Variants in MACROD2 observed in about 807,000 individuals in gnomAD.
MACROD2 encodes the protein mono-ADP ribosylhydrolase 2, also known as ADP-ribose glycohydrolase MACROD2.
MACROD2 carries 36 observed loss-of-function variants against 70.4 expected under a neutral mutation model. The observed-to-expected ratio is 0.51, with a 90% CI of 0.39 to 0.68. The LOEUF (loss-of-function observed/expected upper bound fraction) is 0.68, where lower values mean the gene tolerates loss of function less well. Ranked by LOEUF, MACROD2 falls within the 30% of genes least tolerant of loss-of-function variation. The pLI is 0.00. For missense variants in MACROD2, 496 were observed against 538.4 expected (o/e 0.92, Z 0.78); for synonymous variants, 172 against 178.8 (o/e 0.96, Z 0.30).
intron 8 of MACROD2, among the ~76,000 whole-genome samples, chr20:15,721,596 T>C (rs891755926): frequency 6.6e-6 from 1 of 152,200 alleles, no homozygotes; most frequent in Non-Finnish European, 1.5e-5. Flanking sequence ...TTTAGAATTT[T>C]TTCCTAAGTT....
chr20:15,644,276 C>T (rs1283626248), intron 8 of MACROD2, among the ~76,000 whole-genome samples: 1 of 152,136 alleles, frequency 6.6e-6, no homozygotes, highest in Non-Finnish European at 1.5e-5. Flanking sequence ...GCATCTAAAC[C>T]TCCCCCACTT....
chr20:14,904,060 T>A (rs1243886971), intron 5 of MACROD2, among the ~76,000 whole-genome samples: 1 of 152,164 alleles, frequency 6.6e-6, no homozygotes, highest in Non-Finnish European at 1.5e-5. Context: ...CTGGTACACA[T>A]AATCACTGGA....
At chr20:14,118,291 TA>T (rs1382813041) in intron 3 of MACROD2, among the ~76,000 whole-genome samples, 1 of 152,208 alleles carries the variant, frequency 6.6e-6, no homozygotes, top group Admixed American at 6.5e-5. Context: ...CTTCAAAGTT[TA>T]GAAGGCATTA....
At chr20:15,107,381 A>ATT (rs2075919308) in intron 5 of MACROD2, among the ~76,000 whole-genome samples, 6 of 152,046 alleles carry the variant, frequency 3.9e-5, no homozygotes, top group Non-Finnish European at 7.4e-5. Flanking sequence ...AAAAACTACC[A>ATT]TTTGTTGTCA....
At chr20:14,312,101 T>G (rs1044515805) in intron 3 of MACROD2, among the ~76,000 whole-genome samples, 4 of 152,136 alleles carry the variant, frequency 2.6e-5, no homozygotes, top group Non-Finnish European at 5.9e-5. Flanking sequence ...TAGATATTCT[T>G]CTCCGGTTCT....
chr20:14,333,211 T>C (rs2082875589), intron 3 of MACROD2, among the ~76,000 whole-genome samples: 1 of 152,186 alleles, frequency 6.6e-6, no homozygotes, highest in African/African-American at 2.4e-5. Context: ...ACAAGGTCCT[T>C]GTTTCATTTA....
intron 12 of MACROD2, among the ~76,000 whole-genome samples, chr20:15,945,268 C>G (rs1156568984): frequency 6.6e-6 from 1 of 152,060 alleles, no homozygotes; most frequent in African/African-American, 2.4e-5. Context: ...GTATTATATT[C>G]CACATACCTT....
intron 13 of MACROD2, 105 bp downstream of exon 13, chr20:15,967,735 A>C: frequency 3.1e-6 from 3 of 971,548 alleles, no homozygotes; most frequent in Non-Finnish European, 4.5e-6. Flanking sequence ...AAAAATATTG[A>C]ATTCCAATAA....
At chr20:15,793,988 C>T (rs1371502831) in intron 8 of MACROD2, among the ~76,000 whole-genome samples, 1 of 150,268 alleles carries the variant, frequency 6.7e-6, no homozygotes, top group African/African-American at 2.4e-5. Flanking sequence ...AGAACCGTCA[C>T]CATTTTCTGT....
chr20:14,338,072 T>A (rs1025174477), intron 3 of MACROD2, among the ~76,000 whole-genome samples: 2 of 152,228 alleles, frequency 1.3e-5, no homozygotes, highest in Admixed American at 1.3e-4. Flanking sequence ...CAACTGTGAA[T>A]GTTTATTCAA....
Position 15,206,606 on chromosome 20 carries a change from G to T in MACROD2, c.419-23334G>T, listed in dbSNP as rs562757861. ...TGAATCTTTACCTCTCAAAGGCACT[G>T]CTCTGACCTCTATCACCATGAATTA... On this transcript the variant is annotated intron_variant, in intron 5 of 17. Transcript: ENST00000684519. Among the ~76,000 whole-genome samples the T allele has an allele frequency of 2.0e-5, 3 of 151,042 alleles. No individual in the cohort carries two copies. In the East Asian group the frequency reaches 5.8e-4, roughly 29 times the overall value.
At chr20:15,627,908 T>TG (rs1322134364) in intron 8 of MACROD2, among the ~76,000 whole-genome samples, 1 of 152,168 alleles carries the variant, frequency 6.6e-6, no homozygotes, top group Non-Finnish European at 1.5e-5. Flanking sequence ...AAAGGCAAGA[T>TG]GGGGGGTTAA....
At chr20:15,054,879 T>A (rs1365485733) in intron 5 of MACROD2, among the ~76,000 whole-genome samples, 1 of 151,564 alleles carries the variant, frequency 6.6e-6, no homozygotes, top group Non-Finnish European at 1.5e-5. Flanking sequence ...CGTCTCCAGG[T>A]TCAAGTGATT....
chr20:15,882,843 A>G (rs1460576795), intron 9 of MACROD2, among the ~76,000 whole-genome samples: 2 of 152,034 alleles, frequency 1.3e-5, no homozygotes, highest in Middle Eastern at 3.2e-3. Context: ...CATTCTGGGG[A>G]TGACGTTATC....
rs149202640 is a variant in MACROD2 at position 14,569,284 on chromosome 20, C to T, written c.301+75776C>T. 2.6e-5 allele frequency among the ~76,000 whole-genome samples: 4 copies of T among 151,974 alleles called. No homozygotes were observed. The East Asian group carries it at 7.7e-4, about 29-fold the overall frequency. ...ATAACACCAGAGTCTTGAATAATAT[C>T]GTTAGCTCACCTTCCATCAGTTAAT... On this transcript the variant is annotated intron_variant, in intron 4 of 17. Coordinates refer to ENST00000684519, the MANE Select transcript of MACROD2 (RefSeq NM_001351661.2).
chr20:15,741,313 A>G (rs372250061), intron 8 of MACROD2, among the ~76,000 whole-genome samples: 17 of 149,388 alleles, frequency 1.1e-4, no homozygotes, highest in African/African-American at 4.2e-4. Context: ...GTTGACCAGG[A>G]TGGTGTCAAT....
intron 4 of MACROD2, among the ~76,000 whole-genome samples, chr20:14,586,518 A>G (rs1981389918): frequency 6.6e-6 from 1 of 152,098 alleles, no homozygotes. Flanking sequence ...AAAGACGAAG[A>G]GAAATGGTTA....
intron 5 of MACROD2, among the ~76,000 whole-genome samples, chr20:14,985,613 G>T (rs1233244789): frequency 6.6e-6 from 1 of 151,440 alleles, no homozygotes; most frequent in Non-Finnish European, 1.5e-5. Flanking sequence ...ATTAACAAGT[G>T]CTTCCAGCTA....
chr20:14,097,021 T>A (rs563147725), intron 3 of MACROD2, among the ~76,000 whole-genome samples: 1 of 152,318 alleles, frequency 6.6e-6, no homozygotes, highest in South Asian at 2.1e-4. Flanking sequence ...ATTGCTGTTT[T>A]CTCTGTCTTC....
Sources: gnomAD v4.1 joint callset for allele counts (sites outside exome capture counted in the v4.1 genomes callset) on GRCh38, gnomAD v4.1.1 for gene constraint, MANE v1.5 for transcripts, NCBI Gene and HGNC (gene_info 2026-07-23, HGNC 2026-07-21) for gene names.